Variants in SERINC4 observed in about 807,000 individuals in gnomAD.
SERINC4 encodes serine incorporator 4.
In SERINC4, 52 loss-of-function variants were observed where a neutral mutation model predicts 52.0. That is an observed-to-expected ratio of 1.00 (90% CI 0.80 to 1.26). The LOEUF is 1.26. Ranked by LOEUF, SERINC4 falls within the 50% of genes most tolerant of loss-of-function variation. SERINC4 has a pLI of 0.00. For missense variants in SERINC4, 723 were observed against 632.8 expected, an observed-to-expected ratio of 1.14 and a Z score of -1.53; for synonymous variants, 264 against 247.7, an observed-to-expected ratio of 1.07 and a Z score of -0.62.
In SERINC4 at chr15:43,794,984, A is replaced by C. The variant is rs770220121; in HGVS notation, c.*16T>G. ...AGGAGTACAATGTCAGGGGAACCCC[A>C]GTTTGTGAAAAGGACTTAGACTGGA... On this transcript the variant is annotated 3_prime_UTR_variant, in exon 12 of 12. Coordinates refer to ENST00000319327, the MANE Select transcript of SERINC4 (RefSeq NM_001258031.2). 4.4e-6 allele frequency: 7 copies of C among 1,591,724 alleles called. No individual in the cohort carries two copies. The East Asian group carries it at 9.0e-5, about 20-fold the overall frequency.
rs775140522 is a variant in SERINC4, at chr15:43,798,001, A to G, written c.551T>C (p.Ile184Thr). 5 of 1,612,604 alleles carry G rather than the reference A, an allele frequency of 3.1e-6. No homozygotes were observed. The highest frequency in any genetic ancestry group is 4.2e-6 in the Non-Finnish European group (5 of 1,178,852). Reference protein sequence around the residue: ...DEHLFPAWHYIGICGGFAFIL... With the variant: ...DEHLFPAWHYTGICGGFAFIL... ...GAATGCAAAGCCTCCACAGATGCCA[A>G]TGTAATGCCATGCTGCAAGATGGGC... The change falls in exon 5 of 12, where the codon ATT becomes ACT. Residue 184 changes from isoleucine (I) to threonine (T), a missense_variant. Ile to Thr is a moderately conservative substitution (Grantham distance 89). Coordinates refer to ENST00000319327, the MANE Select transcript of SERINC4 (RefSeq NM_001258031.2).
At position 43,797,235 on chromosome 15, in the gene SERINC4, C is replaced by T; in HGVS notation, c.754G>A (p.Gly252Ser). ...AGGAGCATCTTGTTAAGCAGGCAGC[C>T]AGCTGGGTGTGTATAATAGTGGAAT... ...LLFHYYTHPA[G>S]CLLNKMLLSL... The change falls in exon 6 of 12, where the codon GGC becomes AGC. Residue 252 changes from glycine to serine, a missense_variant. Physicochemically the swap from Gly to Ser is moderately conservative, Grantham distance 56 (BLOSUM62 0). Coordinates refer to ENST00000319327, the MANE Select transcript of SERINC4 (RefSeq NM_001258031.2). The T allele has an allele frequency of 1.3e-6, 2 of 1,550,650 alleles. No individual in the cohort carries two copies. The highest frequency in any genetic ancestry group is 2.4e-5 in the East Asian group (1 of 40,918).
intron 5 of SERINC4, 180 bp downstream of exon 5, chr15:43,797,740 G>A: frequency 3.4e-6 from 2 of 589,438 alleles, no homozygotes; most frequent in Non-Finnish European, 6.1e-6. Context: ...GCTCTCAGAA[G>A]ACTGGTGTGA....
Position 43,797,215 on chromosome 15 carries a change from C to T in SERINC4, c.774G>A (p.Met258Ile). Residue 258 changes from methionine to isoleucine, a missense_variant, in exon 6 of 12, where the codon ATG (methionine) becomes ATA (isoleucine). By Grantham distance (10) the Met-to-Ile change is conservative. Coordinates refer to ENST00000319327, the MANE Select transcript of SERINC4 (RefSeq NM_001258031.2). ...AGAAGCAAAGGTGCAGACTGAGGAG[C>T]ATCTTGTTAAGCAGGCAGCCAGCTG... is the stretch of plus-strand genomic sequence containing the variant. ...THPAGCLLNK[M>I]LLSLHLCFCG... The T allele has an allele frequency of 6.4e-7, 1 of 1,550,726 alleles. No homozygotes were observed. Among genetic ancestry groups the T allele is most frequent in the Non-Finnish European group, 8.7e-7 (1 of 1,147,004 alleles).
chr15:43,796,943 G>A lies in SERINC4; in HGVS notation c.845-3C>T. The A allele has an allele frequency of 6.2e-7, 1 of 1,611,640 alleles. No homozygotes were observed. Among genetic ancestry groups the A allele is most frequent in the Non-Finnish European group, 8.5e-7 (1 of 1,177,908 alleles). On this transcript the variant is annotated splice_region_variant and splice_polypyrimidine_tract_variant and intron_variant, in intron 6 of 11. Coordinates refer to ENST00000319327, the MANE Select transcript of SERINC4 (RefSeq NM_001258031.2). ...TAGGAGGCCAGAGCGGGGTTGCTCT[G>A]GGGAGTAAGTATAATTGCTTTAGTC...
At chr15:43,798,373 T>A in intron 4 of SERINC4, 52 bp downstream of exon 4, 2 of 1,365,410 alleles carry the variant, frequency 1.5e-6, no homozygotes, top group Admixed American at 3.4e-5. Flanking sequence ...TACCCACTTG[T>A]TATCTTAGAA....
chr15:43,799,887 G>A lies in SERINC4; in HGVS notation c.100C>T (p.Gln34Ter), dbSNP rs2087286148. Residue 34 changes from glutamine to a stop codon, truncating the protein, a stop_gained and splice_region_variant, in exon 1 of 12, where the codon CAG (glutamine) becomes TAG (stop). Transcript: ENST00000319327. LOFTEE classifies it high-confidence loss of function. Reference protein sequence around the residue: ...SSVLVKSPFCQVCCCGPAPCA... With the variant: ...SSVLVKSPFC Reference sequence around the variant, plus strand: ...CTCTCCCCTTCGCACCCTCTCACCTGACAGAAGGGACTTTTCACTAGGACA... The same window carrying A: ...CTCTCCCCTTCGCACCCTCTCACCTAACAGAAGGGACTTTTCACTAGGACA... 1.3e-6 allele frequency: 2 copies of A among 1,546,286 alleles called. No homozygotes were observed. Among genetic ancestry groups the A allele is most frequent in the South Asian group, 1.2e-5 (1 of 83,544 alleles).
At chr15:43,797,087 A>C (rs1336081326) in intron 6 of SERINC4, 58 bp downstream of exon 6, 28 of 1,492,658 alleles carry the variant, frequency 1.9e-5, no homozygotes, top group Non-Finnish European at 2.5e-5. Context: ...GGAGGTAATG[A>C]AACTTGCTAT....
intron 8 of SERINC4, 111 bp downstream of exon 8, chr15:43,796,505 A>G (rs1438262791): frequency 8.3e-7 from 1 of 1,208,232 alleles, no homozygotes; most frequent in Admixed American, 2.1e-5. Context: ...AGCTTTTCTC[A>G]CTCTAGTCTT....
rs1301908010 is a variant in SERINC4, at chr15:43,795,431, GGAA to G, written c.1297_1299del (p.Phe433del). The G allele has an allele frequency of 7.4e-6, 12 of 1,614,066 alleles. No homozygotes were observed. Among genetic ancestry groups the G allele is most frequent in the African/African-American group, 1.3e-5 (1 of 74,910 alleles). On this transcript the variant is annotated inframe_deletion, in exon 11 of 12. Transcript: ENST00000319327. The stretch of plus-strand genomic sequence containing the variant: ...GTAACCATGACATAGAGTGAGGCAA[GGAA>G]GAAGACGAAGTGGAAGGCAGAATAG...
chr15:43,798,310 A>C, intron 4 of SERINC4, 115 bp downstream of exon 4: 2 of 834,446 alleles, frequency 2.4e-6, no homozygotes, highest in South Asian at 2.7e-5. Context: ...CAGCCTCCCA[A>C]AGTGCTGGGA....
intron 1 of SERINC4, 131 bp downstream of exon 1, chr15:43,799,754 G>T: frequency 1.2e-6 from 1 of 849,510 alleles, no homozygotes; most frequent in Non-Finnish European, 2.0e-6. Flanking sequence ...CATGGCGGGA[G>T]AGATTTACAG....
chr15:43,798,329 G>A (rs1415256770), intron 4 of SERINC4, 96 bp downstream of exon 4: 3 of 948,348 alleles, frequency 3.2e-6, no homozygotes, highest in African/African-American at 1.6e-5. Context: ...GATTACAGGC[G>A]TGAGCCACTG....
chr15:43,796,818 A>G (rs200050130), intron 7 of SERINC4, 27 bp downstream of exon 7: 2 of 1,613,640 alleles, frequency 1.2e-6, no homozygotes, highest in African/African-American at 2.7e-5. Context: ...AGGTCTTAGC[A>G]TGGAGAATCC....
chr15:43,796,845 C>T lies in SERINC4; in HGVS notation c.940G>A (p.Val314Ile). ...GGAGAATCCAGGTCCTGTCCCTTAC[C>T]TCTCTCTGGAGGACGGCTGGACAGT... ...SALSSRPPER[V>I]ILQGQNHTLC... Residue 314 changes from valine to isoleucine, a missense_variant and splice_region_variant, in exon 7 of 12, where the codon GTA (valine) becomes ATA (isoleucine). Val to Ile is a conservative substitution (Grantham distance 29). Coordinates refer to ENST00000319327, the MANE Select transcript of SERINC4 (RefSeq NM_001258031.2). The T allele has an allele frequency of 6.2e-7, 1 of 1,613,866 alleles. No individual in the cohort carries two copies. Among genetic ancestry groups the T allele is most frequent in the Non-Finnish European group, 8.5e-7 (1 of 1,179,792 alleles).
At position 43,797,051 on chromosome 15, in the gene SERINC4, T is replaced by TAA. The variant is rs2087230905; in HGVS notation, c.844+93_844+94insTT. 4 of 1,458,368 alleles carry TAA rather than the reference T, an allele frequency of 2.7e-6. No homozygotes were observed. In the East Asian group the frequency reaches 9.2e-5, roughly 34 times the overall value. 90.3% of individuals were successfully genotyped at this position (1,458,368 alleles called of 1,614,324 possible). On this transcript the variant is annotated intron_variant, in intron 6 of 11. Transcript: ENST00000319327. The stretch of plus-strand genomic sequence containing the variant: ...TTTGGTGGGGATAGGGAAGCAGAGA[T>TAA]TCTTTTATCAAATAATTGAGATTAG...
At position 43,797,922 on chromosome 15, in the gene SERINC4, G is replaced by A; in HGVS notation, c.630C>T (p.Asn210=). ...CTTTAGGGTTATGTGCCCCTTACCA[G>A]TTCTTGTTCCAGGAATGGGCAAAAG... ...ITAFAHSWNK[N]WQTGAAQDCS... The change falls in exon 5 of 12, where the codon AAC becomes AAT. Residue 210 remains asparagine (N), a splice_region_variant and synonymous_variant. Transcript: ENST00000319327. 6.2e-7 allele frequency: 1 copy of A among 1,610,658 alleles called. No individual in the cohort carries two copies. Among genetic ancestry groups the A allele is most frequent in the Non-Finnish European group, 8.5e-7 (1 of 1,176,934 alleles).
At chr15:43,797,513 C>T in intron 5 of SERINC4, 157 bp from the exon 6 acceptor site, 1 of 606,562 alleles carries the variant, frequency 1.6e-6, no homozygotes, top group Middle Eastern at 4.4e-4. Flanking sequence ...CTACCTCAGC[C>T]TCCTGAGTAG....
chr15:43,795,277 T>G, intron 11 of SERINC4, 64 bp from the exon 12 acceptor site: 1 of 1,592,096 alleles, frequency 6.3e-7, no homozygotes, highest in Non-Finnish European at 8.6e-7. Flanking sequence ...CTGTTCTACC[T>G]CCTCACCAAA....
Sources: gnomAD v4.1 joint callset for allele counts on GRCh38, gnomAD v4.1.1 for gene constraint, MANE v1.5 for transcripts, NCBI Gene and HGNC (gene_info 2026-07-23, HGNC 2026-07-21) for gene names.